Variants in DHRSX observed in about 807,000 individuals in gnomAD.
DHRSX encodes the protein polyprenol dehydrogenase.
Under a neutral mutation model 34.0 loss-of-function variants are expected in DHRSX, and 31 were observed. That is an observed-to-expected ratio of 0.91 (90% confidence interval 0.69 to 1.23). The LOEUF (loss-of-function observed/expected upper bound fraction) is 1.23, where lower values mean the gene tolerates loss of function less well. Among genes scored for constraint, DHRSX ranks in the 50% most tolerant of loss-of-function variants. The pLI is 0.00. For missense variants in DHRSX, 414 were observed against 428.1 expected, an observed-to-expected ratio of 0.97 and a Z score of 0.29; for synonymous variants, 201 against 183.8, an observed-to-expected ratio of 1.09 and a Z score of -0.76.
At chrX:2,404,272 G>A (rs150258406) in intron 3 of DHRSX, among the ~76,000 whole-genome samples, 2,575 of 151,772 alleles carry the variant, frequency 0.017, 81 homozygotes, top group African/African-American at 0.059. Context: ...TTTACTCCCC[G>A]GAAATGCTGA....
chrX:2,230,295 T>C (rs2015845655), intron 6 of DHRSX, among the ~76,000 whole-genome samples: 1 of 152,198 alleles, frequency 6.6e-6, no homozygotes, highest in African/African-American at 2.4e-5. Flanking sequence ...CTGTGGGTTG[T>C]GCTAAACTTC....
At chrX:2,242,976 A>G in intron 6 of DHRSX, 47 bp downstream of exon 6, 1 of 1,581,382 alleles carries the variant, frequency 6.3e-7, no homozygotes, top group South Asian at 1.1e-5. Flanking sequence ...CCTTTCCTGT[A>G]GCATCTTCAG....
At chrX:2,379,537 A>G (rs116298162) in intron 3 of DHRSX, among the ~76,000 whole-genome samples, 2,321 of 148,330 alleles carry the variant, frequency 0.016, 63 homozygotes, top group African/African-American at 0.055. Flanking sequence ...AGACGTGTCC[A>G]CTCAACTGGA....
At chrX:2,327,029 T>C (rs773977454) in intron 3 of DHRSX, among the ~76,000 whole-genome samples, 2 of 152,282 alleles carry the variant, frequency 1.3e-5, no homozygotes, top group Admixed American at 1.3e-4. Context: ...GCCAGGCTGG[T>C]CTCGCACTCC....
At chrX:2,346,279 CT>C (rs2042710481) in intron 3 of DHRSX, among the ~76,000 whole-genome samples, 1 of 152,152 alleles carries the variant, frequency 6.6e-6, no homozygotes, top group African/African-American at 2.4e-5. Flanking sequence ...CCATCTTCCC[CT>C]GACTGTGAAT....
At chrX:2,474,107 A>G (rs183041431) in intron 1 of DHRSX, among the ~76,000 whole-genome samples, 33 of 152,228 alleles carry the variant, frequency 2.2e-4, no homozygotes, top group Non-Finnish European at 3.1e-4. Context: ...CAATGAAGAA[A>G]CAAAAGCAGC....
intron 3 of DHRSX, among the ~76,000 whole-genome samples, chrX:2,365,501 G>C (rs1603012062): frequency 6.6e-6 from 1 of 152,184 alleles, no homozygotes; most frequent in Admixed American, 6.5e-5. Flanking sequence ...TGTATGCCTA[G>C]AGAGTTCATC....
intron 4 of DHRSX, among the ~76,000 whole-genome samples, chrX:2,284,717 C>T (rs1416215436): frequency 6.6e-6 from 1 of 152,086 alleles, no homozygotes; most frequent in African/African-American, 2.4e-5. Flanking sequence ...GTGAATAAAC[C>T]ATAAATACCG....
chrX:2,314,947 C>T (rs1256276981), intron 3 of DHRSX, among the ~76,000 whole-genome samples: 3 of 152,020 alleles, frequency 2.0e-5, no homozygotes, highest in South Asian at 2.1e-4. Context: ...CACCTGAGGT[C>T]GGGAGTTAAG....
intron 3 of DHRSX, among the ~76,000 whole-genome samples, chrX:2,408,490 G>C (rs1210323450): frequency 6.6e-6 from 1 of 152,160 alleles, no homozygotes; most frequent in Admixed American, 6.5e-5. Flanking sequence ...ATTTGAGTAA[G>C]AGTGCAAGCT....
intron 1 of DHRSX, among the ~76,000 whole-genome samples, chrX:2,473,395 G>C (rs149140273): frequency 1.1e-4 from 17 of 152,082 alleles, no homozygotes; most frequent in Non-Finnish European, 1.9e-4. Flanking sequence ...AGGCCGAGGC[G>C]GATGGATCAC....
At chrX:2,425,123 G>A (rs188436954) in intron 2 of DHRSX, 74 bp downstream of exon 2, 36 of 1,179,850 alleles carry the variant, frequency 3.1e-5, no homozygotes, top group South Asian at 5.2e-5. Flanking sequence ...ACGGGTTGAC[G>A]GACTGCGATC....
At chrX:2,326,966 C>G (rs1267884961) in intron 3 of DHRSX, among the ~76,000 whole-genome samples, 1 of 152,102 alleles carries the variant, frequency 6.6e-6, no homozygotes, top group Non-Finnish European at 1.5e-5. Flanking sequence ...TGCCTGCCAC[C>G]ATGCCCGGCT....
intron 4 of DHRSX, among the ~76,000 whole-genome samples, chrX:2,285,124 G>A (rs1282634864): frequency 6.6e-6 from 1 of 152,214 alleles, no homozygotes; most frequent in African/African-American, 2.4e-5. Context: ...AAGACAGAAG[G>A]TGGAGGTGGA....
At chrX:2,401,202 C>A (rs2043482222) in intron 3 of DHRSX, among the ~76,000 whole-genome samples, 1 of 151,750 alleles carries the variant, frequency 6.6e-6, no homozygotes, top group Non-Finnish European at 1.5e-5. Context: ...CCTCCGCCTC[C>A]CGGGTCCAAG....
At chrX:2,391,724 G>A (rs1016974673) in intron 3 of DHRSX, among the ~76,000 whole-genome samples, 11 of 152,042 alleles carry the variant, frequency 7.2e-5, no homozygotes, top group Admixed American at 3.3e-4. Context: ...TCAGGAGTTC[G>A]AGACCAGCCT....
intron 1 of DHRSX, among the ~76,000 whole-genome samples, chrX:2,428,662 C>T (rs1185273413): frequency 6.6e-6 from 1 of 152,086 alleles, no homozygotes; most frequent in Non-Finnish European, 1.5e-5. Flanking sequence ...GGACAAACAC[C>T]TAATGTAGAT....
rs751046718 is a variant in DHRSX at position 2,459,981 on chromosome X, G to A, written c.110-34677C>T. On this transcript the variant is annotated intron_variant, in intron 1 of 6. Coordinates refer to ENST00000334651, the MANE Select transcript of DHRSX (RefSeq NM_145177.3). ...AAATTAGCCGGGTGTGGTGGCGGGC[G>A]ACTGTAATCCCAGCTACTCAGGAGG... Among the ~76,000 whole-genome samples the A allele has an allele frequency of 1.0e-3, 152 of 152,140 alleles. 1 individual carries two copies. The highest frequency in any genetic ancestry group is 3.3e-3 in the African/African-American group (137 of 41,526).
chrX:2,402,876 T>C (rs2043503819), intron 3 of DHRSX, among the ~76,000 whole-genome samples: 1 of 149,594 alleles, frequency 6.7e-6, no homozygotes, highest in Admixed American at 6.6e-5. Flanking sequence ...ACACCTTTAA[T>C]TGGTTTCTTT....
Sources: allele counts gnomAD v4.1 joint callset (sites outside exome capture counted in the v4.1 genomes callset), GRCh38; gene constraint gnomAD v4.1.1; transcripts MANE v1.5; gene names NCBI Gene and HGNC (gene_info 2026-07-23, HGNC 2026-07-21).